Variants in DDC observed in about 807,000 individuals in gnomAD.
The protein encoded by DDC is dopa decarboxylase.
In DDC, 43 loss-of-function variants were observed where a neutral mutation model predicts 60.0. The observed-to-expected ratio is 0.72, with a 90% CI of 0.56 to 0.92. DDC has a LOEUF of 0.92. DDC is among the 40% of genes least tolerant of loss of function. DDC has a pLI of 0.00. For missense variants in DDC, 573 were observed against 620.2 expected (o/e 0.92, Z 0.81); for synonymous variants, 232 against 234.6 (o/e 0.99, Z 0.10).
intron 1 of DDC, among the ~76,000 whole-genome samples, chr7:50,561,768 G>A (rs1461198518): frequency 6.6e-6 from 1 of 152,102 alleles, no homozygotes; most frequent in Non-Finnish European, 1.5e-5. Flanking sequence ...TAGGAAAGGG[G>A]CCTGGGCTTT....
At chr7:50,491,314 G>T (rs144592864) in intron 9 of DDC, among the ~76,000 whole-genome samples, 444 of 152,060 alleles carry the variant, frequency 2.9e-3, no homozygotes, top group Admixed American at 6.9e-3. Context: ...ATTTTTGTTT[G>T]TTTGTTTGTT....
chr7:50,533,188 A>G (rs1373360590), intron 4 of DDC, among the ~76,000 whole-genome samples: 1 of 152,214 alleles, frequency 6.6e-6, no homozygotes, highest in East Asian at 1.9e-4. Flanking sequence ...TTTTGTCTGT[A>G]TACATATATT....
intron 9 of DDC, chr7:50,492,650 C>G: frequency 8.3e-7 from 1 of 1,205,056 alleles, no homozygotes; most frequent in Non-Finnish European, 1.0e-6. Flanking sequence ...TCTCTTGTGT[C>G]TTAGGGCTTA....
At chr7:50,481,574 A>G (rs55869201) in intron 9 of DDC, among the ~76,000 whole-genome samples, 6,035 of 152,302 alleles carry the variant, frequency 0.04, 249 homozygotes, top group African/African-American at 0.11. Flanking sequence ...AAAGCCATAC[A>G]AAAGATGTAA....
At position 50,528,120 on chromosome 7, in the gene DDC, A is replaced by T; in HGVS notation, c.714+17T>A. Reference sequence around the variant, plus strand: ...TTCACCTTATTGGCCAGGAGCCACAAGTGCTGCCGAACTTACAAAGAAAGG... The same window carrying T: ...TTCACCTTATTGGCCAGGAGCCACATGTGCTGCCGAACTTACAAAGAAAGG... On this transcript the variant is annotated intron_variant, in intron 6 of 14. Coordinates refer to ENST00000444124, the MANE Select transcript of DDC (RefSeq NM_001082971.2). 4.3e-6 allele frequency: 7 copies of T among 1,612,002 alleles called. No individual in the cohort carries two copies. The highest frequency in any genetic ancestry group is 5.9e-6 in the Non-Finnish European group (7 of 1,179,734).
chr7:50,544,168 C>T (rs921142067), intron 1 of DDC, 55 bp from the exon 2 acceptor site: 47 of 1,380,106 alleles, frequency 3.4e-5, no homozygotes, highest in African/African-American at 1.1e-4. Context: ...AACTGGAAGG[C>T]GGGGATACCA....
chr7:50,491,213 A>G (rs2042991040), intron 9 of DDC, among the ~76,000 whole-genome samples: 3 of 152,244 alleles, frequency 2.0e-5, no homozygotes, highest in African/African-American at 2.4e-5. Flanking sequence ...GAACCTATTT[A>G]TATACGTAAA....
At chr7:50,476,706 A>T in intron 10 of DDC, 63 bp from the exon 11 acceptor site, 1 of 1,437,608 alleles carries the variant, frequency 7.0e-7, no homozygotes, top group Non-Finnish European at 9.7e-7. Context: ...ATCACACGCT[A>T]ATCCTTTTCA....
intron 6 of DDC, among the ~76,000 whole-genome samples, chr7:50,526,152 A>G (rs1043938307): frequency 5.3e-5 from 8 of 152,220 alleles, no homozygotes; most frequent in African/African-American, 1.7e-4. Context: ...AGTAAAACAA[A>G]GACAAAAAGC....
chr7:50,522,971 T>C (rs2043940086), intron 6 of DDC, among the ~76,000 whole-genome samples: 1 of 152,134 alleles, frequency 6.6e-6, no homozygotes, highest in South Asian at 2.1e-4. Flanking sequence ...ATTCACTCAC[T>C]ATCATGAGAA....
intron 6 of DDC, among the ~76,000 whole-genome samples, chr7:50,517,825 TAAAAAAAAA>T (rs59421951): frequency 1.3e-5 from 1 of 76,196 alleles, no homozygotes; most frequent in Non-Finnish European, 2.7e-5. Flanking sequence ...TTATAATAGC[TAAAAAAAAA>T]AAAAAAAAAA....
At chr7:50,537,657 C>G (rs1355964998) in intron 4 of DDC, among the ~76,000 whole-genome samples, 1 of 152,286 alleles carries the variant, frequency 6.6e-6, no homozygotes, top group Admixed American at 6.5e-5. Flanking sequence ...CCTGGGGAAG[C>G]GAGTGAAAGA....
chr7:50,474,883 C>T (rs1406187469), intron 11 of DDC, among the ~76,000 whole-genome samples: 1 of 151,762 alleles, frequency 6.6e-6, no homozygotes, highest in Non-Finnish European at 1.5e-5. Flanking sequence ...GTGCCTGTTA[C>T]CCCATTTTCA....
intron 9 of DDC, among the ~76,000 whole-genome samples, chr7:50,486,619 C>T (rs907163934): frequency 1.3e-5 from 2 of 152,186 alleles, no homozygotes; most frequent in South Asian, 4.1e-4. Flanking sequence ...TCCTCATTCA[C>T]ATGTTGAAGC....
At chr7:50,493,143 G>C in intron 9 of DDC, 1 of 735,702 alleles carries the variant, frequency 1.4e-6, no homozygotes, top group South Asian at 1.6e-5. Context: ...GGCAATGTCT[G>C]TGTCCCTCAA....
intron 14 of DDC, among the ~76,000 whole-genome samples, chr7:50,459,869 C>G (rs13233973): frequency 1.4e-5 from 2 of 144,670 alleles, no homozygotes; most frequent in South Asian, 4.4e-4. Context: ...CCGCCCCGTC[C>G]GGGAGGGAGG....
intron 12 of DDC, 150 bp downstream of exon 12, chr7:50,469,923 G>A: frequency 1.6e-6 from 1 of 644,358 alleles, no homozygotes; most frequent in East Asian, 2.8e-5. Flanking sequence ...AGGTTGCAGT[G>A]AGCTGAGATT....
chr7:50,460,303 CTA>C (rs2042240358), intron 14 of DDC, among the ~76,000 whole-genome samples: 1 of 147,208 alleles, frequency 6.8e-6, no homozygotes, highest in Non-Finnish European at 1.5e-5. Flanking sequence ...CCGGCCGCCC[CTA>C]CTGGGAAGTG....
chr7:50,557,271 G>A (rs141401133), intron 1 of DDC, among the ~76,000 whole-genome samples: 45 of 152,232 alleles, frequency 3.0e-4, no homozygotes, highest in East Asian at 1.2e-3. Flanking sequence ...ACAATTATCC[G>A]TGGAAAGGAG....
Sources: allele counts gnomAD v4.1 joint callset (sites outside exome capture counted in the v4.1 genomes callset), GRCh38; gene constraint gnomAD v4.1.1; transcripts MANE v1.5; gene names NCBI Gene and HGNC (gene_info 2026-07-23, HGNC 2026-07-21).